AFF3: variants seen among roughly 807,000 people sequenced by gnomAD.
The protein encoded by AFF3 is AF4/FMR2 family member 3.
In AFF3, 32 loss-of-function variants were observed where a neutral mutation model predicts 129.7. The ratio of observed to expected loss-of-function variants is 0.25; its 90% CI spans 0.19 to 0.33. AFF3 has a LOEUF of 0.33. Ranked by LOEUF, AFF3 falls within the 10% of genes least tolerant of loss-of-function variation. The probability of loss-of-function intolerance (pLI) is 1.00; values close to 1 mark genes in which losing one functional copy is unlikely to be tolerated. For missense variants in AFF3, 1,373 were observed against 1,592.0 expected, an observed-to-expected ratio of 0.86 and a Z score of 2.34; for synonymous variants, 644 against 635.4, an observed-to-expected ratio of 1.01 and a Z score of -0.20.
chr2:99,971,549 C>T (rs1678381270), intron 7 of AFF3, among the ~76,000 whole-genome samples: 1 of 152,196 alleles, frequency 6.6e-6, no homozygotes, highest in South Asian at 2.1e-4. Context: ...TGTCATAACT[C>T]CCTTTGCAGC....
intron 7 of AFF3, among the ~76,000 whole-genome samples, chr2:99,994,115 C>CT (rs1272675571): frequency 3.4e-5 from 5 of 148,672 alleles, no homozygotes; most frequent in African/African-American, 1.2e-4. Flanking sequence ...CAAACTTAAT[C>CT]TTTTTTAAAA....
chr2:99,554,521 G>A lies in AFF3; in HGVS notation c.3349C>T (p.Pro1117Ser), dbSNP rs200197052. The part of the protein sequence containing the change: ...WGASGKSTGT[P>S]SPMSPNPSPA... The stretch of plus-strand genomic sequence containing the variant: ...GAGGGGTTGGGAGACATGGGGGATG[G>A]GGTTCCAGTGCTCCTGGAAGGGGAG... Residue 1117 changes from proline (P) to serine (S), a missense_variant, in exon 24 of 25, where the codon CCA becomes TCA. Coordinates refer to ENST00000672756, the MANE Select transcript of AFF3 (RefSeq NM_001386135.1). 6.2e-7 allele frequency: 1 copy of A among 1,613,130 alleles called. No homozygotes were observed. The highest frequency in any genetic ancestry group is 1.3e-5 in the African/African-American group (1 of 75,030).
At chr2:100,019,674 G>A (rs1364429092) in intron 4 of AFF3, among the ~76,000 whole-genome samples, 1 of 152,198 alleles carries the variant, frequency 6.6e-6, no homozygotes, top group African/African-American at 2.4e-5. Context: ...GAATCTGGAA[G>A]AGAACACAGA....
At chr2:100,016,020 A>AGTGGTG (rs79769916) in intron 4 of AFF3, among the ~76,000 whole-genome samples, 1 of 146,308 alleles carries the variant, frequency 6.8e-6, no homozygotes, top group Non-Finnish European at 1.5e-5. Context: ...GTGTTGTGGT[A>AGTGGTG]GTGGTGGTGG....
intron 11 of AFF3, among the ~76,000 whole-genome samples, chr2:99,695,587 C>T (rs955108657): frequency 2.6e-5 from 4 of 152,262 alleles, no homozygotes; most frequent in African/African-American, 9.6e-5. Flanking sequence ...ACAGCCACCA[C>T]AGTCAGGGCT....
chr2:99,590,324 C>A (rs777268355), intron 15 of AFF3, among the ~76,000 whole-genome samples: 6 of 152,238 alleles, frequency 3.9e-5, no homozygotes, highest in Non-Finnish European at 7.3e-5. Context: ...ACCTGCCCTG[C>A]AGAAACAGGC....
intron 8 of AFF3, among the ~76,000 whole-genome samples, chr2:99,792,546 T>G (rs1312838833): frequency 1.3e-5 from 2 of 152,122 alleles, no homozygotes; most frequent in Non-Finnish European, 2.9e-5. Context: ...CAAGAGTATA[T>G]CTTTGCCTTA....
At chr2:99,604,286 G>T (rs1283176531) in intron 13 of AFF3, among the ~76,000 whole-genome samples, 1 of 152,006 alleles carries the variant, frequency 6.6e-6, no homozygotes, top group African/African-American at 2.4e-5. Flanking sequence ...GAAATACAAT[G>T]CAACCATTTA....
intron 13 of AFF3, among the ~76,000 whole-genome samples, chr2:99,627,240 T>C (rs1313464035): frequency 1.3e-5 from 2 of 152,024 alleles, no homozygotes; most frequent in Non-Finnish European, 2.9e-5. Context: ...TAACATCTGT[T>C]TTTTTTTGAC....
intron 10 of AFF3, among the ~76,000 whole-genome samples, chr2:99,732,622 T>C (rs1679927465): frequency 1.3e-5 from 2 of 152,230 alleles, no homozygotes; most frequent in Admixed American, 6.5e-5. Context: ...TGTATAAATA[T>C]ACCAGTTTCT....
chr2:99,784,385 T>C (rs1185591782), intron 8 of AFF3, among the ~76,000 whole-genome samples: 1 of 152,198 alleles, frequency 6.6e-6, no homozygotes, highest in Non-Finnish European at 1.5e-5. Context: ...CTGCAGGCTC[T>C]AAATATGATA....
At chr2:99,561,107 TGTCC>T (rs1675426022) in intron 20 of AFF3, among the ~76,000 whole-genome samples, 1 of 152,228 alleles carries the variant, frequency 6.6e-6, no homozygotes, top group Non-Finnish European at 1.5e-5. Context: ...ATGATCAGAT[TGTCC>T]TAGGTTCAAA....
At chr2:100,080,161 G>C (rs1315775277) in intron 4 of AFF3, among the ~76,000 whole-genome samples, 1 of 152,230 alleles carries the variant, frequency 6.6e-6, no homozygotes, top group Non-Finnish European at 1.5e-5. Flanking sequence ...TGGCATGGTA[G>C]AATGACATCA....
chr2:99,925,420 C>A (rs1015927722), intron 7 of AFF3, among the ~76,000 whole-genome samples: 2 of 152,106 alleles, frequency 1.3e-5, no homozygotes, highest in South Asian at 4.1e-4. Flanking sequence ...CATCACAGAT[C>A]ATGATCTAGG....
intron 13 of AFF3, among the ~76,000 whole-genome samples, chr2:99,610,868 T>C (rs557775813): frequency 1.3e-5 from 2 of 152,338 alleles, no homozygotes; most frequent in South Asian, 4.1e-4. Flanking sequence ...GTATGAATAC[T>C]TTCTGGATAA....
intron 13 of AFF3, among the ~76,000 whole-genome samples, chr2:99,648,879 ACG>A (rs752967402): frequency 0.054 from 5,851 of 108,594 alleles, 313 homozygotes; most frequent in African/African-American, 0.085. Flanking sequence ...TCCTCAAAAC[ACG>A]CGCGCACACA....
intron 4 of AFF3, among the ~76,000 whole-genome samples, chr2:100,046,262 T>A (rs182577941): frequency 1.3e-5 from 2 of 152,272 alleles, no homozygotes; most frequent in East Asian, 3.9e-4. Context: ...ACAAACAGAA[T>A]GAGGCACAAG....
intron 11 of AFF3, among the ~76,000 whole-genome samples, chr2:99,713,029 G>T: frequency 6.6e-6 from 1 of 152,208 alleles, no homozygotes; most frequent in East Asian, 1.9e-4. Context: ...GAGGTCCCCA[G>T]AGTAGTCAAA....
chr2:99,784,565 A>G (rs1684647745), intron 8 of AFF3, among the ~76,000 whole-genome samples: 1 of 152,218 alleles, frequency 6.6e-6, no homozygotes, highest in South Asian at 2.1e-4. Context: ...TTCACATTAC[A>G]TGCTAGTATG....
Sources: gnomAD v4.1 joint callset for allele counts (sites outside exome capture counted in the v4.1 genomes callset) on GRCh38, gnomAD v4.1.1 for gene constraint, MANE v1.5 for transcripts, NCBI Gene and HGNC (gene_info 2026-07-23, HGNC 2026-07-21) for gene names.